The following SETBP1 variants were observed in gnomAD, a reference collection of about 807,000 sequenced individuals.
The protein encoded by SETBP1 is SET binding protein 1, also known as SET-binding protein.
In SETBP1, 9 loss-of-function variants were observed where a neutral mutation model predicts 101.0. That is an observed-to-expected ratio of 0.09 (90% confidence interval 0.05 to 0.16). SETBP1 has a LOEUF of 0.16. SETBP1 is among the 10% of genes least tolerant of loss of function. The pLI, the probability that SETBP1 is intolerant of heterozygous loss-of-function variation, is 1.00. For synonymous variants in SETBP1, 818 were observed against 788.5 expected, an observed-to-expected ratio of 1.04 and a Z score of -0.63; for missense variants, 1,858 against 2,033.8, an observed-to-expected ratio of 0.91 and a Z score of 1.66.
intron 4 of SETBP1, among the ~76,000 whole-genome samples, chr18:44,965,159 A>C (rs1474661220): frequency 1.3e-5 from 2 of 152,120 alleles, no homozygotes; most frequent in African/African-American, 2.4e-5. Context: ...GAAGGCAATA[A>C]ATTTTTCAAA....
chr18:44,981,701 C>T (rs1000455263), intron 4 of SETBP1, among the ~76,000 whole-genome samples: 3 of 152,212 alleles, frequency 2.0e-5, no homozygotes, highest in Admixed American at 1.3e-4. Flanking sequence ...GAATCTACAT[C>T]GGCATAGAGA....
At chr18:44,758,680 C>T (rs1402021088) in intron 2 of SETBP1, among the ~76,000 whole-genome samples, 1 of 152,210 alleles carries the variant, frequency 6.6e-6, no homozygotes, top group Non-Finnish European at 1.5e-5. Flanking sequence ...CCACGCCCGG[C>T]CTGAAAGATT....
rs1039167769 is a variant in SETBP1 at position 44,855,769 on chromosome 18, A to T, written c.487-13461A>T. Among the ~76,000 whole-genome samples the T allele has an allele frequency of 7.0e-4, 107 of 152,230 alleles. 2 individuals are homozygous for T. Among genetic ancestry groups the T allele is most frequent in the African/African-American group, 2.5e-3 (103 of 41,464 alleles). ...GTTAGTTACAGTTACTCTCACTGGCATGGTGTGCTCAGATCTGCCTGCCAC... is the reference window on the plus strand; with the variant it reads ...GTTAGTTACAGTTACTCTCACTGGCTTGGTGTGCTCAGATCTGCCTGCCAC... On this transcript the variant is annotated intron_variant, in intron 2 of 5. Coordinates refer to ENST00000649279, the MANE Select transcript of SETBP1 (RefSeq NM_015559.3).
chr18:45,058,283 A>T (rs1326115855), intron 5 of SETBP1, among the ~76,000 whole-genome samples: 1 of 152,164 alleles, frequency 6.6e-6, no homozygotes, highest in Non-Finnish European at 1.5e-5. Flanking sequence ...AAGAGAGAAA[A>T]ATCTGTAAAC....
chr18:44,894,616 T>C (rs142634565), intron 3 of SETBP1, among the ~76,000 whole-genome samples: 508 of 152,234 alleles, frequency 3.3e-3, no homozygotes, highest in African/African-American at 0.012. Context: ...CTGAATATGA[T>C]ATGTTGTAGA....
In SETBP1 at chr18:44,996,756, A is replaced by G. The variant is rs140244485; in HGVS notation, c.4001-41729A>G. Among the ~76,000 whole-genome samples the G allele has an allele frequency of 6.9e-3, 1,057 of 152,330 alleles. 17 individuals carry two copies. The highest frequency in any genetic ancestry group is 0.024 in the African/African-American group (1,018 of 41,564). On this transcript the variant is annotated intron_variant, in intron 4 of 5. Coordinates refer to ENST00000649279, the MANE Select transcript of SETBP1 (RefSeq NM_015559.3). ...AGTCTTGTAACATCAAGTCAGGCAGATCTTTGGGCTGCTACTCCTATACTC... is the reference window on the plus strand; with the variant it reads ...AGTCTTGTAACATCAAGTCAGGCAGGTCTTTGGGCTGCTACTCCTATACTC...
intron 3 of SETBP1, among the ~76,000 whole-genome samples, chr18:44,946,311 A>T (rs1381039650): frequency 2.0e-5 from 3 of 152,212 alleles, no homozygotes; most frequent in South Asian, 4.1e-4. Flanking sequence ...CCAGAGAAGC[A>T]CTAGGGACTG....
At chr18:45,046,762 A>G (rs556099048) in intron 5 of SETBP1, among the ~76,000 whole-genome samples, 77 of 152,352 alleles carry the variant, frequency 5.1e-4, no homozygotes, top group African/African-American at 1.8e-3. Flanking sequence ...GTCTCACTCA[A>G]TAAGTATTGG....
At chr18:45,050,473 T>C (rs1349620681) in intron 5 of SETBP1, among the ~76,000 whole-genome samples, 1 of 152,208 alleles carries the variant, frequency 6.6e-6, no homozygotes, top group Non-Finnish European at 1.5e-5. Flanking sequence ...AGGAAAAACC[T>C]CACTTTCCCT....
chr18:44,780,606 G>A (rs189583789), intron 2 of SETBP1, among the ~76,000 whole-genome samples: 88 of 152,220 alleles, frequency 5.8e-4, no homozygotes, highest in Middle Eastern at 3.4e-3. Context: ...TCATATATTC[G>A]TTTATCCAGT....
intron 4 of SETBP1, among the ~76,000 whole-genome samples, chr18:45,006,955 T>C (rs1025587089): frequency 6.6e-6 from 1 of 152,206 alleles, no homozygotes; most frequent in African/African-American, 2.4e-5. Context: ...AAACATATGG[T>C]CTGTCCAGCT....
At chr18:45,050,169 A>C (rs894339358) in intron 5 of SETBP1, among the ~76,000 whole-genome samples, 23 of 152,248 alleles carry the variant, frequency 1.5e-4, no homozygotes, top group Non-Finnish European at 2.8e-4. Flanking sequence ...GTAGGTTTTC[A>C]AAAAATGTTA....
chr18:44,927,203 G>A (rs752960143), intron 3 of SETBP1, among the ~76,000 whole-genome samples: 2 of 152,166 alleles, frequency 1.3e-5, no homozygotes, highest in Non-Finnish European at 2.9e-5. Flanking sequence ...TAGTGCCACC[G>A]AATGTATATG....
chr18:45,020,586 C>T (rs1156550096), intron 4 of SETBP1, among the ~76,000 whole-genome samples: 1 of 152,168 alleles, frequency 6.6e-6, no homozygotes, highest in African/African-American at 2.4e-5. Flanking sequence ...ATTCTTCTAT[C>T]TACCCAAAAT....
Position 44,786,246 on chromosome 18 carries a change from C to T in SETBP1, c.487-82984C>T, listed in dbSNP as rs138562968. 8.3e-3 allele frequency among the ~76,000 whole-genome samples: 1,269 copies of T among 152,232 alleles called. 16 individuals are homozygous for T. Among genetic ancestry groups the T allele is most frequent in the African/African-American group, 0.028 (1,181 of 41,520 alleles). ...TTTCTAAAGTTTTTGAAAGCTACAG[C>T]GTTGACATCCTAGATTTTTTCCTGT... is the stretch of plus-strand genomic sequence containing the variant. On this transcript the variant is annotated intron_variant, in intron 2 of 5. Coordinates refer to ENST00000649279, the MANE Select transcript of SETBP1 (RefSeq NM_015559.3).
chr18:45,036,148 A>G (rs1458807170), intron 4 of SETBP1, among the ~76,000 whole-genome samples: 3 of 152,142 alleles, frequency 2.0e-5, no homozygotes, highest in Admixed American at 6.5e-5. Flanking sequence ...CCTGGCCAAC[A>G]TGGTGAAACC....
In SETBP1 at chr18:44,950,057, A is replaced by G; in HGVS notation, c.717A>G (p.Pro239=). The part of the protein sequence containing the change: ...GPVTQNCFIS[P]ESGRETASTS... ...TCACTCAGAATTGCTTCATCAGTCC[A>G]GAGTCTGGCAGAGAAACTGCAAGCA... The change falls in exon 4 of 6, where the codon CCA becomes CCG. Residue 239 remains proline, a synonymous_variant. Coordinates refer to ENST00000649279, the MANE Select transcript of SETBP1 (RefSeq NM_015559.3). 3 of 1,614,226 alleles carry G rather than the reference A, an allele frequency of 1.9e-6. No homozygotes were observed. Among genetic ancestry groups the G allele is most frequent in the Non-Finnish European group, 2.5e-6 (3 of 1,180,032 alleles).
chr18:44,960,949 C>CA (rs1265431330), intron 4 of SETBP1, among the ~76,000 whole-genome samples: 1 of 152,184 alleles, frequency 6.6e-6, no homozygotes, highest in Non-Finnish European at 1.5e-5. Flanking sequence ...TAGCTAAAGT[C>CA]AAAGGTGATT....
intron 3 of SETBP1, among the ~76,000 whole-genome samples, chr18:44,915,391 G>C (rs1314623717): frequency 6.6e-6 from 1 of 152,192 alleles, no homozygotes; most frequent in African/African-American, 2.4e-5. Flanking sequence ...ACTAATCAGT[G>C]AGTCAATTAA....
Sources: gnomAD v4.1 joint callset for allele counts (sites outside exome capture counted in the v4.1 genomes callset) on GRCh38, gnomAD v4.1.1 for gene constraint, MANE v1.5 for transcripts, NCBI Gene and HGNC (gene_info 2026-07-23, HGNC 2026-07-21) for gene names.